PLGRKT: variants seen among roughly 807,000 people sequenced by gnomAD.
PLGRKT encodes plasminogen receptor (KT).
Under a neutral mutation model 18.5 loss-of-function variants are expected in PLGRKT, and 22 were observed. The ratio of observed to expected loss-of-function variants is 1.19; its 90% confidence interval spans 0.85 to 1.70. PLGRKT has a LOEUF of 1.70. PLGRKT is among the 40% of genes most tolerant of loss of function. The pLI, the probability that PLGRKT is intolerant of heterozygous loss-of-function variation, is 0.00. For synonymous variants in PLGRKT, 72 were observed against 52.8 expected (o/e 1.36, Z -1.58); for missense variants, 235 against 174.4 (o/e 1.35, Z -1.96).
intron 3 of PLGRKT, among the ~76,000 whole-genome samples, chr9:5,363,479 T>G (rs1015775879): frequency 9.2e-5 from 14 of 152,130 alleles, no homozygotes; most frequent in African/African-American, 3.4e-4. Context: ...TCTGGCCCTC[T>G]CCAGCTGATG....
intron 3 of PLGRKT, among the ~76,000 whole-genome samples, chr9:5,427,211 C>T (rs1818718736): frequency 6.6e-6 from 1 of 152,128 alleles, no homozygotes; most frequent in Non-Finnish European, 1.5e-5. Flanking sequence ...GCCAAGCTGT[C>T]CACACTACCT....
At chr9:5,406,454 T>C (rs1818258652) in intron 3 of PLGRKT, among the ~76,000 whole-genome samples, 1 of 152,198 alleles carries the variant, frequency 6.6e-6, no homozygotes, top group Non-Finnish European at 1.5e-5. Context: ...ATCATGTCCT[T>C]TGCAGGGCAA....
intron 3 of PLGRKT, among the ~76,000 whole-genome samples, chr9:5,431,147 T>C (rs546319283): frequency 3.9e-5 from 6 of 152,346 alleles, no homozygotes; most frequent in African/African-American, 1.4e-4. Context: ...GCTTCCTGAA[T>C]TCCTTGACTC....
intron 3 of PLGRKT, among the ~76,000 whole-genome samples, chr9:5,415,664 A>T (rs1818445692): frequency 6.6e-6 from 1 of 152,228 alleles, no homozygotes; most frequent in South Asian, 2.1e-4. Context: ...CCTCTGATAC[A>T]ATGCAACAAG....
intron 3 of PLGRKT, among the ~76,000 whole-genome samples, chr9:5,411,060 G>A (rs1818352885): frequency 6.6e-6 from 1 of 152,074 alleles, no homozygotes; most frequent in Admixed American, 6.5e-5. Context: ...GTCATCATGA[G>A]CAAATAAGAG....
chr9:5,387,203 G>C (rs1435297800), intron 3 of PLGRKT, among the ~76,000 whole-genome samples: 1 of 151,872 alleles, frequency 6.6e-6, no homozygotes, highest in African/African-American at 2.4e-5. Flanking sequence ...GGGTCTCGTA[G>C]GCCTTTGCCA....
At chr9:5,368,669 C>T (rs377739743) in intron 3 of PLGRKT, among the ~76,000 whole-genome samples, 1 of 152,196 alleles carries the variant, frequency 6.6e-6, no homozygotes, top group East Asian at 1.9e-4. Flanking sequence ...CATTCGTACC[C>T]CAAACTTCAG....
At chr9:5,431,544 A>C (rs1818824543) in intron 3 of PLGRKT, among the ~76,000 whole-genome samples, 1 of 151,084 alleles carries the variant, frequency 6.6e-6, no homozygotes, top group South Asian at 2.1e-4. Flanking sequence ...AAAAAAAAAA[A>C]AAAAAAAAAA....
intron 3 of PLGRKT, among the ~76,000 whole-genome samples, chr9:5,396,192 C>A (rs1249219720): frequency 1.3e-5 from 2 of 151,822 alleles, no homozygotes; most frequent in Non-Finnish European, 2.9e-5. Context: ...CCACACCCAG[C>A]AAACCTAACA....
chr9:5,360,323 CTG>C (rs1817235247), intron 5 of PLGRKT, among the ~76,000 whole-genome samples: 1 of 152,144 alleles, frequency 6.6e-6, no homozygotes, highest in Admixed American at 6.5e-5. Context: ...GGTTGGCAAA[CTG>C]TCTTAAAGGG....
chr9:5,424,051 CAT>C (rs1191699308), intron 3 of PLGRKT, among the ~76,000 whole-genome samples: 1 of 144,234 alleles, frequency 6.9e-6, no homozygotes, highest in Non-Finnish European at 1.5e-5. Flanking sequence ...CATATGCACA[CAT>C]CACATTGCCC....
chr9:5,413,109 A>G (rs1295817819), intron 3 of PLGRKT, among the ~76,000 whole-genome samples: 3 of 152,222 alleles, frequency 2.0e-5, no homozygotes, highest in African/African-American at 7.2e-5. Context: ...AGACTTTGGG[A>G]AAATAGCCAC....
intron 3 of PLGRKT, among the ~76,000 whole-genome samples, chr9:5,376,728 C>T (rs1003070952): frequency 1.3e-5 from 2 of 152,066 alleles, no homozygotes; most frequent in African/African-American, 4.8e-5. Context: ...AAGCAAGGTA[C>T]AGAAAGGGTA....
At chr9:5,433,840 T>C (rs1818890598) in intron 2 of PLGRKT, among the ~76,000 whole-genome samples, 1 of 115,566 alleles carries the variant, frequency 8.7e-6, no homozygotes. Flanking sequence ...TGAGCGCCCA[T>C]CATCTGGGAT....
rs148489539 is a variant in PLGRKT at position 5,368,848 on chromosome 9, C to A, written c.82-6960G>T. Among the ~76,000 whole-genome samples, 548 of 152,240 alleles carry A rather than the reference C, an allele frequency of 3.6e-3. 1 individual carries two copies. Among genetic ancestry groups the A allele is most frequent in the Non-Finnish European group, 6.3e-3 (430 of 68,012 alleles). ...CTTTGACAAACCTGACAAAAACAAG[C>A]AATGGGGAAAGGATTCCCTATTCAA... On this transcript the variant is annotated intron_variant, in intron 3 of 5. Coordinates refer to ENST00000223864, the MANE Select transcript of PLGRKT (RefSeq NM_018465.4).
At position 5,437,870 on chromosome 9, in the gene PLGRKT, G is replaced by C. The variant is rs1209236944; in HGVS notation, c.-214C>G. ...TCCTTTCGCCCGCTGCAGGGACCGG[G>C]CCTCGCTCCGCCCAGCGTCGGGATT... On this transcript the variant is annotated 5_prime_UTR_variant, in exon 1 of 6. Transcript: ENST00000223864. 1 of 152,276 alleles carries C rather than the reference G, an allele frequency of 6.6e-6. No homozygotes were observed. The highest frequency in any genetic ancestry group is 1.5e-5 in the Non-Finnish European group (1 of 68,070). 9.4% of individuals were successfully genotyped at this position (152,276 alleles called of 1,614,324 possible).
intron 3 of PLGRKT, among the ~76,000 whole-genome samples, chr9:5,423,640 C>T (rs747306271): frequency 3.9e-5 from 6 of 152,000 alleles, no homozygotes; most frequent in Non-Finnish European, 8.8e-5. Flanking sequence ...AACAGATTGC[C>T]AGGCCCCAGG....
In PLGRKT at chr9:5,373,476, T is replaced by A. The variant is rs12341364; in HGVS notation, c.82-11588A>T. Among the ~76,000 whole-genome samples, 350 of 152,296 alleles carry A rather than the reference T, an allele frequency of 2.3e-3. 2 individuals are homozygous for A. The highest frequency in any genetic ancestry group is 7.9e-3 in the African/African-American group (329 of 41,554). On this transcript the variant is annotated intron_variant, in intron 3 of 5. Transcript: ENST00000223864. ...GGTCTGGGGCTCTGAACCAAGACCC[T>A]GGGAAAGACCAGGTCAAGCTTTTGG...
intron 3 of PLGRKT, among the ~76,000 whole-genome samples, chr9:5,428,790 C>T (rs1818756616): frequency 6.6e-6 from 1 of 152,178 alleles, no homozygotes; most frequent in Admixed American, 6.5e-5. Flanking sequence ...CTTGACCTTC[C>T]TGGGCTCAAG....
Sources: allele counts gnomAD v4.1 joint callset (sites outside exome capture counted in the v4.1 genomes callset), GRCh38; gene constraint gnomAD v4.1.1; transcripts MANE v1.5; gene names NCBI Gene and HGNC (gene_info 2026-07-23, HGNC 2026-07-21).